Variants in CACNA1A observed in about 807,000 individuals in gnomAD.
CACNA1A encodes calcium voltage-gated channel subunit alpha1 A.
Under a neutral mutation model 262.4 loss-of-function variants are expected in CACNA1A, and 57 were observed. The ratio of observed to expected loss-of-function variants is 0.22; its 90% CI spans 0.18 to 0.27. The LOEUF is 0.27. Ranked by LOEUF, CACNA1A falls within the 10% of genes least tolerant of loss-of-function variation. The probability of loss-of-function intolerance (pLI) is 1.00; values close to 1 mark genes in which losing one functional copy is unlikely to be tolerated. For missense variants in CACNA1A, 2,526 were observed against 3,562.8 expected (o/e 0.71, Z 7.41); for synonymous variants, 1,431 against 1,419.3 (o/e 1.01, Z -0.18).
intron 30 of CACNA1A, 70 bp from the exon 31 acceptor site, chr19:13,245,335 GT>G: frequency 2.4e-6 from 3 of 1,257,360 alleles, no homozygotes; most frequent in Non-Finnish European, 3.5e-6. Context: ...GGCTGGCCGG[GT>G]GCATGTTAGA....
chr19:13,440,212 C>T (rs918937127), intron 3 of CACNA1A, among the ~76,000 whole-genome samples: 4 of 152,182 alleles, frequency 2.6e-5, no homozygotes, highest in Non-Finnish European at 5.9e-5. Context: ...TATCCTCCTG[C>T]CTTGGCGTCC....
intron 31 of CACNA1A, 66 bp from the exon 32 acceptor site, chr19:13,235,796 C>T: frequency 1.8e-6 from 2 of 1,110,916 alleles, no homozygotes; most frequent in Non-Finnish European, 2.7e-6. Flanking sequence ...TGTCACCACT[C>T]ACAGAGGCCC....
intron 3 of CACNA1A, among the ~76,000 whole-genome samples, chr19:13,414,530 T>C (rs2144755414): frequency 6.6e-6 from 1 of 152,272 alleles, no homozygotes; most frequent in Non-Finnish European, 1.5e-5. Flanking sequence ...AGGTGTCATC[T>C]AGATGGACAG....
intron 12 of CACNA1A, among the ~76,000 whole-genome samples, chr19:13,312,260 C>CT (rs952865547): frequency 6.6e-6 from 1 of 152,162 alleles, no homozygotes; most frequent in African/African-American, 2.4e-5. Context: ...GTGTTGTAAT[C>CT]TAACAATTAT....
At chr19:13,282,689 C>T (rs1354425441) in intron 22 of CACNA1A, among the ~76,000 whole-genome samples, 5 of 142,556 alleles carry the variant, frequency 3.5e-5, no homozygotes, top group African/African-American at 1.0e-4. Context: ...GATGCCTGGG[C>T]GGGGGGTTGG....
intron 38 of CACNA1A, among the ~76,000 whole-genome samples, chr19:13,219,937 A>G (rs1490148548): frequency 1.5e-5 from 2 of 133,906 alleles, no homozygotes; most frequent in Non-Finnish European, 3.1e-5. Flanking sequence ...GTGACAGAAC[A>G]AGACTCCGTT....
intron 37 of CACNA1A, 146 bp from the exon 38 acceptor site, chr19:13,224,918 C>G (rs2055379671): frequency 1.7e-6 from 1 of 590,458 alleles, no homozygotes; most frequent in South Asian, 2.1e-5. Flanking sequence ...GTTACCTGTC[C>G]CAGTACTCAG....
intron 3 of CACNA1A, among the ~76,000 whole-genome samples, chr19:13,412,298 G>A (rs367655631): frequency 1.9e-4 from 29 of 151,904 alleles, no homozygotes; most frequent in Admixed American, 1.6e-3. Context: ...GGGCTCAAGC[G>A]ATATCCTCCT....
In CACNA1A at chr19:13,308,044, C is replaced by T; in HGVS notation, c.1913+76G>A. ...TCTGGGCTACGAGGAAGGCAGCCTG[C>T]ACGGTGGAGGGGACTGTGTGTTCCC... On this transcript the variant is annotated intron_variant, in intron 14 of 46. Transcript: ENST00000360228. This position sits in a 1 kb window ranked among gnomAD's most constrained non-coding sequence, Gnocchi z 4.2. The T allele has an allele frequency of 2.5e-6, 4 of 1,575,532 alleles. No homozygotes were observed. Among genetic ancestry groups the T allele is most frequent in the Non-Finnish European group, 3.5e-6 (4 of 1,154,356 alleles).
At chr19:13,393,549 GCTGTTCCCTCCCTCCCCCCCTT>G (rs2059748939) in intron 3 of CACNA1A, among the ~76,000 whole-genome samples, 1 of 117,972 alleles carries the variant, frequency 8.5e-6, no homozygotes, top group African/African-American at 3.4e-5. Flanking sequence ...CGAAGCTGCA[GCTGTTCCCTCCCTCCCCCCCTT>G]CTTCTTCTTC....
At chr19:13,486,040 G>A (rs1408606902) in intron 1 of CACNA1A, among the ~76,000 whole-genome samples, 1 of 152,170 alleles carries the variant, frequency 6.6e-6, no homozygotes, top group African/African-American at 2.4e-5. Context: ...AAAGGTAACT[G>A]CAAACCAATG....
At chr19:13,246,307 G>A (rs1000811235) in intron 30 of CACNA1A, among the ~76,000 whole-genome samples, 1 of 152,152 alleles carries the variant, frequency 6.6e-6, no homozygotes, top group African/African-American at 2.4e-5. Context: ...GTTTAGATGG[G>A]GCCATGTGTG....
rs2144772824 is a variant in CACNA1A, at chr19:13,262,736, T to C, written c.4087A>G (p.Lys1363Glu). The C allele has an allele frequency of 6.2e-7, 1 of 1,604,120 alleles. No homozygotes were observed. The change falls in exon 25 of 47, where the codon AAG becomes GAG. Residue 1363 changes from lysine (K) to glutamate (E), a missense_variant and splice_region_variant. Lys to Glu is a moderately conservative substitution (Grantham distance 56, BLOSUM62 1). Around this residue, in one of 17 missense-constraint regions of CACNA1A, gnomAD observed 137 missense variants for 377.7 expected, o/e 0.36. Transcript: ENST00000360228. ...ACCCCACCATCTCCCAATCTCACCT[T>C]GAGCTTTGGCAGCCGCTTGATGGTT... ...LKTIKRLPKL[K>E]AVFDCVVNSL...
At chr19:13,415,345 C>T (rs1381042846) in intron 3 of CACNA1A, among the ~76,000 whole-genome samples, 1 of 152,088 alleles carries the variant, frequency 6.6e-6, no homozygotes, top group African/African-American at 2.4e-5. Context: ...AACACGCCTG[C>T]CTTTATGACC....
chr19:13,366,137 T>C (rs573297496), intron 4 of CACNA1A: 19 of 152,214 alleles, frequency 1.2e-4, no homozygotes, highest in African/African-American at 4.6e-4. Context: ...TAATTTTTCA[T>C]ATTTTTAGTG....
chr19:13,386,225 C>T (rs1242246977), intron 3 of CACNA1A, among the ~76,000 whole-genome samples: 1 of 152,026 alleles, frequency 6.6e-6, no homozygotes, highest in African/African-American at 2.4e-5. Flanking sequence ...CACTACCCGC[C>T]TTACTGGCAG....
Position 13,212,241 on chromosome 19 carries a change from A to G in CACNA1A, c.6190-25T>C. ...ACTGCGGAGCAGATGGCAAAGCCAG[A>G]TGAGCTCTGGGGCCTGACCTCCAGA... On this transcript the variant is annotated intron_variant, in intron 42 of 46. Transcript: ENST00000360228. This position sits in a 1 kb window ranked among gnomAD's most constrained non-coding sequence, Gnocchi z 5.6. 6.2e-7 allele frequency: 1 copy of G among 1,606,812 alleles called. No individual in the cohort carries two copies. The highest frequency in any genetic ancestry group is 8.5e-7 in the Non-Finnish European group (1 of 1,173,846).
At chr19:13,280,679 G>C (rs903966860) in intron 22 of CACNA1A, among the ~76,000 whole-genome samples, 1 of 151,938 alleles carries the variant, frequency 6.6e-6, no homozygotes, top group African/African-American at 2.4e-5. Flanking sequence ...GGTGGCTCAC[G>C]CCTGTAATCC....
chr19:13,312,157 G>A (rs2058048347), intron 12 of CACNA1A, among the ~76,000 whole-genome samples: 1 of 152,200 alleles, frequency 6.6e-6, no homozygotes, highest in East Asian at 1.9e-4. Context: ...TGGACTAGTG[G>A]GTTACTGGGT....
Sources: gnomAD v4.1 joint callset for allele counts (sites outside exome capture counted in the v4.1 genomes callset) on GRCh38, gnomAD v4.1.1 for gene constraint, gnomAD v4.1.1 regional missense constraint, Gnocchi (gnomAD v3.1) non-coding constraint, MANE v1.5 for transcripts, NCBI Gene and HGNC (gene_info 2026-07-23, HGNC 2026-07-21) for gene names.